DENND4A: variants seen among roughly 807,000 people sequenced by gnomAD.
DENND4A encodes the protein C-myc promoter-binding protein.
In DENND4A, 70 loss-of-function variants were observed where a neutral mutation model predicts 199.3. The observed-to-expected ratio is 0.35, with a 90% CI of 0.29 to 0.43. DENND4A has a LOEUF of 0.43. Ranked by LOEUF, DENND4A falls within the 20% of genes least tolerant of loss-of-function variation. The probability of loss-of-function intolerance (pLI) is 1.00; values close to 1 mark genes in which losing one functional copy is unlikely to be tolerated. For synonymous variants in DENND4A, 686 were observed against 766.9 expected, an observed-to-expected ratio of 0.89 and a Z score of 1.74; for missense variants, 1,723 against 2,255.8, an observed-to-expected ratio of 0.76 and a Z score of 4.78.
intron 11 of DENND4A, among the ~76,000 whole-genome samples, chr15:65,724,997 C>G (rs1285947601): frequency 1.3e-5 from 2 of 152,170 alleles, no homozygotes; most frequent in African/African-American, 4.8e-5. Context: ...GAATGAACAA[C>G]ATCTTGGTAT....
intron 24 of DENND4A, among the ~76,000 whole-genome samples, chr15:65,673,636 A>C (rs936587114): frequency 1.3e-4 from 20 of 151,934 alleles, no homozygotes; most frequent in South Asian, 4.2e-4. Flanking sequence ...GGAGGAAAAA[A>C]AAAAAAAAAA....
chr15:65,714,487 G>A (rs2075339790), intron 14 of DENND4A, among the ~76,000 whole-genome samples: 1 of 151,394 alleles, frequency 6.6e-6, no homozygotes, highest in South Asian at 2.1e-4. Flanking sequence ...TCCCCCATAT[G>A]TAACATTCTC....
chr15:65,709,251 T>A (rs2075156244), intron 14 of DENND4A, among the ~76,000 whole-genome samples: 1 of 152,206 alleles, frequency 6.6e-6, no homozygotes, highest in Admixed American at 6.5e-5. Context: ...CATATGCAGA[T>A]GAATAGTAAG....
In DENND4A at chr15:65,702,466, G is replaced by A; in HGVS notation, c.2269C>T (p.Pro757Ser). Residue 757 changes from proline to serine, a missense_variant, in exon 17 of 33, where the codon CCT becomes TCT. Coordinates refer to ENST00000443035, the MANE Select transcript of DENND4A (RefSeq NM_001320835.1). ...AGTAGACACCTAGACCACATCTGAG[G>A]GATGGAAGAGTACCTCTTTGCAATT... ...HKIAKRYSSI[P>S]QMWSRCLLRH... 1 of 1,597,558 alleles carries A rather than the reference G, an allele frequency of 6.3e-7. No individual in the cohort carries two copies. The highest frequency in any genetic ancestry group is 8.5e-7 in the Non-Finnish European group (1 of 1,171,894).
intron 22 of DENND4A, among the ~76,000 whole-genome samples, chr15:65,692,170 A>T (rs1016148280): frequency 9.9e-5 from 15 of 152,066 alleles, no homozygotes; most frequent in African/African-American, 3.6e-4. Context: ...AACAAAATAG[A>T]AGTATGTTAA....
chr15:65,788,086 T>A (rs1024814590), intron 1 of DENND4A, among the ~76,000 whole-genome samples: 2 of 152,032 alleles, frequency 1.3e-5, no homozygotes, highest in African/African-American at 4.8e-5. Context: ...TATTTATTTT[T>A]TTTTTTTTGA....
rs998130682 is a variant in DENND4A at position 65,700,690 on chromosome 15, T to C, written c.2702-15A>G. 23 of 1,518,436 alleles carry C rather than the reference T, an allele frequency of 1.5e-5. No individual in the cohort carries two copies. In the Admixed American group the frequency reaches 3.5e-4, roughly 23 times the overall value. 94.1% of individuals were successfully genotyped at this position (1,518,436 alleles called of 1,614,324 possible). ...ACTGCCATCTGCTTAAGAACACAATTTGACAGCATTTTACTACTCGAAGAG... is the reference window on the plus strand; with the variant it reads ...ACTGCCATCTGCTTAAGAACACAATCTGACAGCATTTTACTACTCGAAGAG... On this transcript the variant is annotated splice_polypyrimidine_tract_variant and intron_variant, in intron 19 of 32. Transcript: ENST00000443035.
chr15:65,662,966 G>A (rs1335384415), intron 32 of DENND4A, among the ~76,000 whole-genome samples: 5 of 151,980 alleles, frequency 3.3e-5, no homozygotes, highest in African/African-American at 1.2e-4. Context: ...CTTGTATTAG[G>A]TAGGGAATAA....
At chr15:65,737,990 T>C (rs370679871) in intron 6 of DENND4A, 45 bp from the exon 7 acceptor site, 1 of 1,503,912 alleles carries the variant, frequency 6.6e-7, no homozygotes, top group African/African-American at 1.4e-5. Context: ...TTGTATCATA[T>C]ATCCAAATCA....
At chr15:65,676,141 A>AAAATATATATATATATATAT (rs1362535499) in intron 24 of DENND4A, among the ~76,000 whole-genome samples, 12 of 110,456 alleles carry the variant, frequency 1.1e-4, no homozygotes, top group East Asian at 1.2e-3. Context: ...AATAAGGAAA[A>AAAATATATATATATATATAT]ATATATATAT....
chr15:65,732,588 T>A (rs1023526395), intron 8 of DENND4A, among the ~76,000 whole-genome samples, 164 bp downstream of exon 8: 1 of 152,026 alleles, frequency 6.6e-6, no homozygotes, highest in Non-Finnish European at 1.5e-5. Flanking sequence ...CTGGGAGGAG[T>A]TAATAAAACA....
Position 65,790,518 on chromosome 15 carries a change from G to A in DENND4A, c.-102+1492C>T, listed in dbSNP as rs188648394. Among the ~76,000 whole-genome samples, 37 of 152,164 alleles carry A rather than the reference G, an allele frequency of 2.4e-4. No individual in the cohort carries two copies. The East Asian group carries it at 6.2e-3, about 25-fold the overall frequency. On this transcript the variant is annotated intron_variant, in intron 1 of 32. Coordinates refer to ENST00000443035, the MANE Select transcript of DENND4A (RefSeq NM_001320835.1). ...AAAATTAAACTCCACAGTGAAGTAGGTCTATGTTTAATCATTCAGAAAAAG... is the reference window on the plus strand; with the variant it reads ...AAAATTAAACTCCACAGTGAAGTAGATCTATGTTTAATCATTCAGAAAAAG...
Position 65,661,714 on chromosome 15 carries a change from A to T in DENND4A, c.*137T>A, listed in dbSNP as rs1419126986. ...ATTCTCTTCTTCAAACATTCTGTAC[A>T]TAAGCTGTCTGAGTCTTTTGAACCA... is the stretch of plus-strand genomic sequence containing the variant. On this transcript the variant is annotated 3_prime_UTR_variant, in exon 33 of 33. Coordinates refer to ENST00000443035, the MANE Select transcript of DENND4A (RefSeq NM_001320835.1). The T allele has an allele frequency of 7.0e-6, 5 of 716,828 alleles. No homozygotes were observed. The highest frequency in any genetic ancestry group is 3.1e-5 in the Admixed American group (1 of 32,258). 44.4% of individuals were successfully genotyped at this position (716,828 alleles called of 1,614,324 possible). A position where few individuals can be genotyped will look rare whatever the true frequency, so the allele number is the denominator to read the frequency against.
chr15:65,781,717 T>A (rs1175125136), intron 1 of DENND4A, among the ~76,000 whole-genome samples: 1 of 152,178 alleles, frequency 6.6e-6, no homozygotes, highest in East Asian at 1.9e-4. Context: ...AATAAAATAA[T>A]CTAATCTGAT....
In DENND4A at chr15:65,786,501, G is replaced by A. The variant is rs751093106; in HGVS notation, c.-102+5509C>T. On this transcript the variant is annotated intron_variant, in intron 1 of 32. Coordinates refer to ENST00000443035, the MANE Select transcript of DENND4A (RefSeq NM_001320835.1). ...TCCCAGCACTTTGGGAGGCCAAGGC[G>A]GTAGGATTGCTTGAGCCCAGGTGTT... is the stretch of plus-strand genomic sequence containing the variant. Among the ~76,000 whole-genome samples, 15 of 151,856 alleles carry A rather than the reference G, an allele frequency of 9.9e-5. No individual in the cohort carries two copies. In the East Asian group the frequency reaches 2.3e-3, roughly 23 times the overall value.
At chr15:65,689,785 G>A (rs1004172067) in intron 23 of DENND4A, among the ~76,000 whole-genome samples, 1 of 152,098 alleles carries the variant, frequency 6.6e-6, no homozygotes, top group Non-Finnish European at 1.5e-5. Flanking sequence ...CTTCAATTTT[G>A]TCTCTCTAAC....
rs1330029450 is a variant in DENND4A at position 65,717,846 on chromosome 15, T to C, written c.1739A>G (p.Tyr580Cys). 3 of 1,604,480 alleles carry C rather than the reference T, an allele frequency of 1.9e-6. No homozygotes were observed. The highest frequency in any genetic ancestry group is 1.1e-5 in the South Asian group (1 of 89,290). ...TGGGGCTTGTGTTATTGGCCTTAAG[T>C]ATGATCTGTAACCTTTTAAAATAGA... ...MASILKGYRSYLRPITQAPSE... is the reference protein window; with the variant it reads ...MASILKGYRSCLRPITQAPSE... The change falls in exon 13 of 33, where the codon TAC becomes TGC. Residue 580 changes from tyrosine (Y) to cysteine (C), a missense_variant. Tyr to Cys is a radical substitution (Grantham distance 194). Around this residue, in one of 6 missense-constraint regions of DENND4A, gnomAD observed 725 missense variants for 952.9 expected, o/e 0.76. Coordinates refer to ENST00000443035, the MANE Select transcript of DENND4A (RefSeq NM_001320835.1).
At chr15:65,724,844 T>C (rs553405659) in intron 11 of DENND4A, among the ~76,000 whole-genome samples, 1 of 152,336 alleles carries the variant, frequency 6.6e-6, no homozygotes, top group African/African-American at 2.4e-5. Flanking sequence ...GCTTTCCCAC[T>C]GTGTCTTACC....
intron 29 of DENND4A, among the ~76,000 whole-genome samples, chr15:65,665,676 C>T (rs2076011234): frequency 6.6e-6 from 1 of 152,118 alleles, no homozygotes; most frequent in South Asian, 2.1e-4. Context: ...TAACAAAGTA[C>T]TTGAGATCCG....
Sources: allele counts gnomAD v4.1 joint callset (sites outside exome capture counted in the v4.1 genomes callset), GRCh38; gene constraint gnomAD v4.1.1; regional missense constraint gnomAD v4.1.1; transcripts MANE v1.5; gene names NCBI Gene and HGNC (gene_info 2026-07-23, HGNC 2026-07-21).